DHX29: variants seen among roughly 807,000 people sequenced by gnomAD.
The protein encoded by DHX29 is ATP-dependent RNA helicase DHX29.
In DHX29, 79 loss-of-function variants were observed where a neutral mutation model predicts 167.9. The observed-to-expected ratio is 0.47, with a 90% CI of 0.39 to 0.57. The LOEUF is 0.57. DHX29 is among the 20% of genes least tolerant of loss of function. DHX29 has a pLI of 0.00. For synonymous variants in DHX29, 530 were observed against 546.0 expected, an observed-to-expected ratio of 0.97 and a Z score of 0.41; for missense variants, 1,347 against 1,593.4, an observed-to-expected ratio of 0.85 and a Z score of 2.63.
intron 8 of DHX29, among the ~76,000 whole-genome samples, chr5:55,288,105 T>C (rs944266954): frequency 4.0e-5 from 6 of 151,698 alleles, no homozygotes; most frequent in African/African-American, 1.5e-4. Flanking sequence ...TAGCCGGGCA[T>C]GGGGGTGCAT....
rs541047608 is a variant in DHX29 at position 55,294,388 on chromosome 5, G to A, written c.652-243C>T. Among the ~76,000 whole-genome samples the A allele has an allele frequency of 5.9e-5, 9 of 152,314 alleles. No individual in the cohort carries two copies. In the East Asian group the frequency reaches 1.5e-3, roughly 26 times the overall value. On this transcript the variant is annotated intron_variant, in intron 5 of 26. Transcript: ENST00000251636. ...ATGAAAGGAGAACTGTTAAAAACTAGTGTTGGCTGGGTGCGGTGGCTCACG... is the reference window on the plus strand; with the variant it reads ...ATGAAAGGAGAACTGTTAAAAACTAATGTTGGCTGGGTGCGGTGGCTCACG...
Position 55,262,800 on chromosome 5 carries a change from G to C in DHX29, c.3658C>G (p.Leu1220Val). 1 of 1,614,086 alleles carries C rather than the reference G, an allele frequency of 6.2e-7. No homozygotes were observed. Among genetic ancestry groups the C allele is most frequent in the Non-Finnish European group, 8.5e-7 (1 of 1,179,990 alleles). ...ACATTGTCATACAGTCCAGCCACCA[G>C]TACAGCTTTAAGAAGGGCAATTTCT... ...FQEIALLKAV[L>V]VAGLYDNVGK... Residue 1220 changes from leucine to valine, a missense_variant, in exon 24 of 27, where the codon CTG becomes GTG. Physicochemically the swap from Leu to Val is conservative, Grantham distance 32. Transcript: ENST00000251636.
At chr5:55,281,292 T>C (rs1747398525) in intron 12 of DHX29, 80 bp downstream of exon 12, 1 of 1,204,278 alleles carries the variant, frequency 8.3e-7, no homozygotes, top group South Asian at 2.8e-5. Context: ...ATAAAGAAAA[T>C]GTTATCTAGT....
rs141118577 is a variant in DHX29, at chr5:55,303,676, T to A, written c.187+3711A>T. ...TCGCTCCAGCCACACAGCACTATCT[T>A]CTTACAACATGTCAAACTTGTTTCC... On this transcript the variant is annotated intron_variant, in intron 1 of 26. Coordinates refer to ENST00000251636, the MANE Select transcript of DHX29 (RefSeq NM_019030.4). 1.5e-3 allele frequency among the ~76,000 whole-genome samples: 232 copies of A among 152,316 alleles called. 2 individuals carry two copies. In the East Asian group the frequency reaches 0.031, roughly 21 times the overall value.
At position 55,285,847 on chromosome 5, in the gene DHX29, G is replaced by C. The variant is rs776364099; in HGVS notation, c.1081C>G (p.Pro361Ala). The C allele has an allele frequency of 1.3e-6, 2 of 1,558,366 alleles. No individual in the cohort carries two copies. Among genetic ancestry groups the C allele is most frequent in the Non-Finnish European group, 1.7e-6 (2 of 1,148,332 alleles). ...TAGTCAAAATTTCTTACATCATGAG[G>C]TTCTTTCTTTTTATCTAAAATGGTA... ...TEEEKDKKKE[P>A]HDVRNFDYTA... The change falls in exon 9 of 27, where the codon CCT (proline) becomes GCT (alanine). Residue 361 changes from proline to alanine, a missense_variant. By Grantham distance (27) the Pro-to-Ala change is conservative. Transcript: ENST00000251636.
chr5:55,270,056 A>G (rs193002263), intron 20 of DHX29, among the ~76,000 whole-genome samples: 1 of 152,176 alleles, frequency 6.6e-6, no homozygotes, highest in Admixed American at 6.5e-5. Flanking sequence ...ACACTGTCAG[A>G]TGTTTAGGAG....
intron 2 of DHX29, among the ~76,000 whole-genome samples, chr5:55,297,770 A>G (rs568013203): frequency 2.6e-5 from 4 of 152,236 alleles, no homozygotes; most frequent in Non-Finnish European, 5.9e-5. Flanking sequence ...ACACAACCTA[A>G]AAGAATGAAC....
At position 55,259,841 on chromosome 5, in the gene DHX29, CACTT is replaced by C. The variant is rs1225417086; in HGVS notation, c.4057+3_4057+6del. The C allele has an allele frequency of 6.6e-6, 10 of 1,504,316 alleles. No individual in the cohort carries two copies. In the South Asian group the frequency reaches 9.0e-5, roughly 14 times the overall value. 93.2% of individuals were successfully genotyped at this position (1,504,316 alleles called of 1,614,324 possible). On this transcript the variant is annotated splice_donor_5th_base_variant and intron_variant, in intron 26 of 26. Coordinates refer to ENST00000251636, the MANE Select transcript of DHX29 (RefSeq NM_019030.4). The stretch of plus-strand genomic sequence containing the variant: ...ATATGGTCTTTCACTTATAAGCAAA[CACTT>C]ACTTTCAAGGGACATCTTTGGATTT...
chr5:55,272,202 A>G lies in DHX29; in HGVS notation c.2776-27T>C, dbSNP rs576763386. ...TGAAAATAAACAAAAAGCTTAAAACATTTAGACTACTTTCATGAATGTATC... is the reference window on the plus strand; with the variant it reads ...TGAAAATAAACAAAAAGCTTAAAACGTTTAGACTACTTTCATGAATGTATC... On this transcript the variant is annotated intron_variant, in intron 17 of 26. Transcript: ENST00000251636. 13 of 1,330,682 alleles carry G rather than the reference A, an allele frequency of 9.8e-6. No individual in the cohort carries two copies. In the East Asian group the frequency reaches 3.2e-4, roughly 33 times the overall value. 82.4% of individuals were successfully genotyped at this position (1,330,682 alleles called of 1,614,324 possible).
At chr5:55,300,050 G>A (rs945062559) in intron 1 of DHX29, among the ~76,000 whole-genome samples, 1 of 152,124 alleles carries the variant, frequency 6.6e-6, no homozygotes, top group Admixed American at 6.5e-5. Context: ...AAATTAAAAG[G>A]GAAATTTTAA....
rs1047220962 is a variant in DHX29, at chr5:55,282,711, G to A, written c.1965+492C>T. Among the ~76,000 whole-genome samples, 3 of 151,982 alleles carry A rather than the reference G, an allele frequency of 2.0e-5. 1 individual carries two copies. Among genetic ancestry groups the A allele is most frequent in the Non-Finnish European group, 4.4e-5 (3 of 67,998 alleles). Reference sequence around the variant, plus strand: ...TTTGCATATACTTGCATGGCAAAATGCATGACAATAGATATTTAAGTATTT... The same window carrying A: ...TTTGCATATACTTGCATGGCAAAATACATGACAATAGATATTTAAGTATTT... On this transcript the variant is annotated intron_variant, in intron 11 of 26. Coordinates refer to ENST00000251636, the MANE Select transcript of DHX29 (RefSeq NM_019030.4).
chr5:55,256,356 A>T lies in DHX29; in HGVS notation c.*132T>A. ...TGTTTAAAGTATGTGCTTTTTTCCC[A>T]CCACCTTTAAGTTAATGGCTAGTAC... is the stretch of plus-strand genomic sequence containing the variant. On this transcript the variant is annotated 3_prime_UTR_variant, in exon 27 of 27. Transcript: ENST00000251636. 3 of 661,294 alleles carry T rather than the reference A, an allele frequency of 4.5e-6. No individual in the cohort carries two copies. Among genetic ancestry groups the T allele is most frequent in the Non-Finnish European group, 7.0e-6 (3 of 427,562 alleles). 41.0% of individuals were successfully genotyped at this position (661,294 alleles called of 1,614,324 possible). A position where few individuals can be genotyped will look rare whatever the true frequency, so the allele number is the denominator to read the frequency against.
At chr5:55,274,182 C>T (rs1209904342) in intron 16 of DHX29, among the ~76,000 whole-genome samples, 1 of 151,726 alleles carries the variant, frequency 6.6e-6, no homozygotes, top group South Asian at 2.1e-4. Context: ...TCCCTTTAGC[C>T]CAAGAGTTTG....
In DHX29 at chr5:55,274,639, T is replaced by A; in HGVS notation, c.2665A>T (p.Asn889Tyr). Residue 889 changes from asparagine (N) to tyrosine (Y), a missense_variant, in exon 16 of 27, where the codon AAT (asparagine) becomes TAT (tyrosine). Transcript: ENST00000251636. ...HIQQLYDLLS[N>Y]DRRFYSERYK... ...CGTTCAGAATAAAATCTTCTATCAT[T>A]TGATAGAAGATCATACAACTGCTGA... The A allele has an allele frequency of 2.5e-6, 4 of 1,594,610 alleles. No homozygotes were observed. The highest frequency in any genetic ancestry group is 2.6e-6 in the Non-Finnish European group (3 of 1,170,068).
At chr5:55,265,918 G>A (rs114126598) in intron 23 of DHX29, among the ~76,000 whole-genome samples, 1 of 152,044 alleles carries the variant, frequency 6.6e-6, no homozygotes, top group South Asian at 2.1e-4. Flanking sequence ...ATAATTTGAT[G>A]TGTGTTTGAA....
At chr5:55,267,649 A>G in intron 22 of DHX29, 37 bp downstream of exon 22, 1 of 1,559,946 alleles carries the variant, frequency 6.4e-7, no homozygotes, top group Non-Finnish European at 8.7e-7. Context: ...AACCTCAGGT[A>G]ATTGGCTTAC....
rs76746718 is a variant in DHX29 at position 55,293,515 on chromosome 5, T to C, written c.780+502A>G. Among the ~76,000 whole-genome samples the C allele has an allele frequency of 9.1e-3, 1,388 of 152,224 alleles. 20 individuals carry two copies. The highest frequency in any genetic ancestry group is 0.032 in the African/African-American group (1,314 of 41,490). On this transcript the variant is annotated intron_variant, in intron 6 of 26. Coordinates refer to ENST00000251636, the MANE Select transcript of DHX29 (RefSeq NM_019030.4). ...ATAGTGTATCTCATTTAAGTTTTCA[T>C]TTTCATTTCTCTAATTTAATCTACT...
Position 55,283,506 on chromosome 5 carries a change from T to C in DHX29, c.1662A>G (p.Arg554=), listed in dbSNP as rs1747548848. 6.2e-7 allele frequency: 1 copy of C among 1,614,218 alleles called. No homozygotes were observed. Among genetic ancestry groups the C allele is most frequent in the Non-Finnish European group, 8.5e-7 (1 of 1,180,038 alleles). The part of the protein sequence containing the change: ...EDLEPVRNLF[R]KLQSTPKYQK... ...GATACTTAGGTGTGCTTTGCAACTT[T>C]CTAAAGAGGTTTCTAACAGGTTCCA... The change falls in exon 11 of 27, where the codon AGA becomes AGG. Residue 554 remains arginine, a synonymous_variant. Coordinates refer to ENST00000251636, the MANE Select transcript of DHX29 (RefSeq NM_019030.4).
chr5:55,285,562 G>C, intron 9 of DHX29, 134 bp downstream of exon 9: 1 of 1,233,528 alleles, frequency 8.1e-7, no homozygotes, highest in Non-Finnish European at 1.1e-6. Context: ...TAATCTATCA[G>C]ACAATAAACC....
Sources: gnomAD v4.1 joint callset for allele counts (sites outside exome capture counted in the v4.1 genomes callset) on GRCh38, gnomAD v4.1.1 for gene constraint, MANE v1.5 for transcripts, NCBI Gene and HGNC (gene_info 2026-07-23, HGNC 2026-07-21) for gene names.